Variants in PRR27 observed in about 807,000 individuals in gnomAD.
The protein encoded by PRR27 is proline-rich protein 27.
A neutral mutation model predicts 16.8 loss-of-function variants in PRR27; 12 were observed. That is an observed-to-expected ratio of 0.71 (90% confidence interval 0.46 to 1.16). The LOEUF (loss-of-function observed/expected upper bound fraction) is 1.16. PRR27 is among the 50% of genes most tolerant of loss of function. The pLI is 0.00. For synonymous variants in PRR27, 100 were observed against 98.4 expected, an observed-to-expected ratio of 1.02 and a Z score of -0.10; for missense variants, 277 against 273.3, an observed-to-expected ratio of 1.01 and a Z score of -0.10.
At chr4:70,155,950 C>A in intron 1 of PRR27, 104 bp from the exon 2 acceptor site, 1 of 674,488 alleles carries the variant, frequency 1.5e-6, no homozygotes, top group South Asian at 1.9e-5. Flanking sequence ...AAAAATTAAC[C>A]ATAAGTATTA....
Position 70,163,756 on chromosome 4 carries a change from T to C in PRR27, c.*1095T>C, listed in dbSNP as rs1365110384. ...GATCTCTGAAAAGCCTCTGATACTT[T>C]CTCTTTTAAAATGGAATATATTCTA... On this transcript the variant is annotated 3_prime_UTR_variant, in exon 5 of 5. Coordinates refer to ENST00000344526, the MANE Select transcript of PRR27 (RefSeq NM_214711.4). 1 of 152,158 alleles carries C rather than the reference T, an allele frequency of 6.6e-6. No individual in the cohort carries two copies. The highest frequency in any genetic ancestry group is 1.5e-5 in the Non-Finnish European group (1 of 68,042). 9.4% of individuals were successfully genotyped at this position (152,158 alleles called of 1,614,324 possible).
chr4:70,158,336 T>G lies in PRR27; in HGVS notation c.84T>G (p.Asn28Lys). The change falls in exon 3 of 5, where the codon AAT becomes AAG. Residue 28 changes from asparagine (N) to lysine (K), a missense_variant. By Grantham distance (94) the Asn-to-Lys change is moderately conservative (BLOSUM62 0). Coordinates refer to ENST00000344526, the MANE Select transcript of PRR27 (RefSeq NM_214711.4). ...CTTTGTTTCTCCTTTAGGATGACAATGACGATGGTCACCCACTTCATCCAT... is the reference window on the plus strand; with the variant it reads ...CTTTGTTTCTCCTTTAGGATGACAAGGACGATGGTCACCCACTTCATCCAT... ...RRFPFIGEDD[N>K]DDGHPLHPSL... 3 of 1,599,392 alleles carry G rather than the reference T, an allele frequency of 1.9e-6. No individual in the cohort carries two copies. Among genetic ancestry groups the G allele is most frequent in the Non-Finnish European group, 2.6e-6 (3 of 1,167,888 alleles).
rs751286540 is a variant in PRR27, at chr4:70,156,038, T to C, written c.52-16T>C. ...AAATACATAACCGCATTAAAATATATTTTTCTTTATTTTAGAGACGGTTCC... is the reference window on the plus strand; with the variant it reads ...AAATACATAACCGCATTAAAATATACTTTTCTTTATTTTAGAGACGGTTCC... On this transcript the variant is annotated splice_polypyrimidine_tract_variant and intron_variant, in intron 1 of 4. Coordinates refer to ENST00000344526, the MANE Select transcript of PRR27 (RefSeq NM_214711.4). The C allele has an allele frequency of 2.8e-6, 4 of 1,405,418 alleles. No individual in the cohort carries two copies. The highest frequency in any genetic ancestry group is 3.8e-6 in the Non-Finnish European group (4 of 1,042,486). The allele number at this position is 1,405,418 out of a possible 1,614,324, so 87.1% of individuals were successfully genotyped here.
chr4:70,157,467 C>T (rs939398065), intron 2 of PRR27, among the ~76,000 whole-genome samples: 7 of 150,282 alleles, frequency 4.7e-5, no homozygotes, highest in Non-Finnish European at 1.0e-4. Context: ...ATATTATATA[C>T]AATAACATTA....
intron 2 of PRR27, 69 bp downstream of exon 2, chr4:70,156,146 ACT>A (rs1043712230): frequency 2.2e-5 from 18 of 821,254 alleles, no homozygotes; most frequent in African/African-American, 1.6e-4. Flanking sequence ...ACATTTTAAA[ACT>A]CTCTGATTTC....
In PRR27 at chr4:70,158,874, C is replaced by T; in HGVS notation, c.622C>T (p.Pro208Ser). Residue 208 changes from proline to serine, a missense_variant, in exon 3 of 5, where the codon CCT (proline) becomes TCT (serine). Physicochemically the swap from Pro to Ser is moderately conservative, Grantham distance 74. Transcript: ENST00000344526. ...PATAKPAAPEPHPSPSLEQAN... is the reference protein window; with the variant it reads ...PATAKPAAPESHPSPSLEQAN... ...TACAGCCAAGCCTGCTGCCCCAGAACCTCACCCTTCTCCCTCTCTTGAACA... is the reference window on the plus strand; with the variant it reads ...TACAGCCAAGCCTGCTGCCCCAGAATCTCACCCTTCTCCCTCTCTTGAACA... 2 of 1,613,948 alleles carry T rather than the reference C, an allele frequency of 1.2e-6. No individual in the cohort carries two copies. The highest frequency in any genetic ancestry group is 8.5e-7 in the Non-Finnish European group (1 of 1,179,962).
At position 70,154,264 on chromosome 4, in the gene PRR27, G is replaced by T; in HGVS notation, c.-112G>T. 2 of 875,576 alleles carry T rather than the reference G, an allele frequency of 2.3e-6. No individual in the cohort carries two copies. The highest frequency in any genetic ancestry group is 1.8e-6 in the Non-Finnish European group (1 of 555,900). The allele number at this position is 875,576 out of a possible 1,614,324, so 54.2% of individuals were successfully genotyped here. A position where few individuals can be genotyped will look rare whatever the true frequency, so the allele number is the denominator to read the frequency against. Reference sequence around the variant, plus strand: ...GGGTCTTCCTAGACAGACTAAAAAAGCCATGTATTCTTTCGTTTCTCTCTA... The same window carrying T: ...GGGTCTTCCTAGACAGACTAAAAAATCCATGTATTCTTTCGTTTCTCTCTA... On this transcript the variant is annotated 5_prime_UTR_variant, in exon 1 of 5. Coordinates refer to ENST00000344526, the MANE Select transcript of PRR27 (RefSeq NM_214711.4).
Position 70,165,290 on chromosome 4 carries a change from T to C in PRR27, c.*2629T>C. 6.6e-6 allele frequency: 1 copy of C among 152,114 alleles called. No individual in the cohort carries two copies. Among genetic ancestry groups the C allele is most frequent in the East Asian group, 1.9e-4 (1 of 5,194 alleles). The allele number at this position is 152,114 out of a possible 1,614,324, so 9.4% of individuals were successfully genotyped here. On this transcript the variant is annotated 3_prime_UTR_variant, in exon 5 of 5. Coordinates refer to ENST00000344526, the MANE Select transcript of PRR27 (RefSeq NM_214711.4). ...TGTTAATTATACATTTTAAAGACTA[T>C]TTTTGGTAAGGTCTATGACACATTC...
rs1001167223 is a variant in PRR27, at chr4:70,164,120, C to T, written c.*1459C>T. The stretch of plus-strand genomic sequence containing the variant: ...AGAAGTTACTATTACTGCTTTTTAC[C>T]TTTTTATTTATTTGTGTATTGTCTT... On this transcript the variant is annotated 3_prime_UTR_variant, in exon 5 of 5. Transcript: ENST00000344526. 3 of 151,890 alleles carry T rather than the reference C, an allele frequency of 2.0e-5. No homozygotes were observed. The highest frequency in any genetic ancestry group is 7.3e-5 in the African/African-American group (3 of 41,354). The allele number at this position is 151,890 out of a possible 1,614,324, so 9.4% of individuals were successfully genotyped here. A position where few individuals can be genotyped will look rare whatever the true frequency, so the allele number is the denominator to read the frequency against.
Position 70,154,702 on chromosome 4 carries a change from C to T in PRR27, c.51+276C>T. Reference sequence around the variant, plus strand: ...AGGAAAAATTATAGAAAAGCAGGATCCCACGTAGATTATCTTAACAGAGTT... The same window carrying T: ...AGGAAAAATTATAGAAAAGCAGGATTCCACGTAGATTATCTTAACAGAGTT... On this transcript the variant is annotated intron_variant, in intron 1 of 4. Coordinates refer to ENST00000344526, the MANE Select transcript of PRR27 (RefSeq NM_214711.4). The T allele has an allele frequency of 2.3e-6, 3 of 1,321,828 alleles. No individual in the cohort carries two copies. The African/African-American group carries it at 4.4e-5, about 19-fold the overall frequency. The allele number at this position is 1,321,828 out of a possible 1,614,324, so 81.9% of individuals were successfully genotyped here.
chr4:70,161,187 T>G (rs1246966370), intron 3 of PRR27, among the ~76,000 whole-genome samples: 2 of 103,246 alleles, frequency 1.9e-5, no homozygotes, highest in East Asian at 2.6e-4. Context: ...TATACACACA[T>G]ACATATATAT....
intron 4 of PRR27, among the ~76,000 whole-genome samples, chr4:70,162,146 T>G: frequency 6.6e-6 from 1 of 152,176 alleles, no homozygotes; most frequent in East Asian, 1.9e-4. Flanking sequence ...AGTCATCTGA[T>G]CAGGGGATAA....
At chr4:70,157,133 G>A (rs1297663829) in intron 2 of PRR27, among the ~76,000 whole-genome samples, 1 of 152,008 alleles carries the variant, frequency 6.6e-6, no homozygotes, top group Non-Finnish European at 1.5e-5. Context: ...GGGGGCTCTG[G>A]CAATATGACT....
intron 1 of PRR27, among the ~76,000 whole-genome samples, chr4:70,155,069 G>C (rs1487634474): frequency 6.6e-6 from 1 of 152,082 alleles, no homozygotes; most frequent in Non-Finnish European, 1.5e-5. Flanking sequence ...GCTTAGCAGA[G>C]TACCTCAGGT....
chr4:70,161,884 A>T (rs1728656917), intron 4 of PRR27, among the ~76,000 whole-genome samples: 1 of 152,198 alleles, frequency 6.6e-6, no homozygotes, highest in Non-Finnish European at 1.5e-5. Context: ...TGACTTGAAG[A>T]TTTTAAATTA....
intron 3 of PRR27, among the ~76,000 whole-genome samples, chr4:70,160,428 T>TC (rs1728615286): frequency 1.0e-5 from 1 of 95,498 alleles, no homozygotes; most frequent in Non-Finnish European, 2.3e-5. Context: ...TCTCTCTCTC[T>TC]CTCTCTCTCT....
In PRR27 at chr4:70,163,392, C is replaced by A. The variant is rs1728689844; in HGVS notation, c.*731C>A. 6.7e-6 allele frequency: 1 copy of A among 149,488 alleles called. No individual in the cohort carries two copies. Among genetic ancestry groups the A allele is most frequent in the Non-Finnish European group, 1.5e-5 (1 of 67,880 alleles). 9.3% of individuals were successfully genotyped at this position (149,488 alleles called of 1,614,324 possible). A position where few individuals can be genotyped will look rare whatever the true frequency, so the allele number is the denominator to read the frequency against. On this transcript the variant is annotated 3_prime_UTR_variant, in exon 5 of 5. Transcript: ENST00000344526. ...GCAATGGTGCCAACTCAGCTCACTG[C>A]AACTTCCACCTCCCGGGTTCAAGTG...
intron 4 of PRR27, among the ~76,000 whole-genome samples, chr4:70,162,229 T>C (rs890413845): frequency 3.9e-5 from 6 of 152,176 alleles, no homozygotes; most frequent in African/African-American, 1.4e-4. Context: ...AATTTTAATG[T>C]TTACCAGACA....
chr4:70,161,179 T>TATATATATATATATATATATATACAC (rs527588905), intron 3 of PRR27, among the ~76,000 whole-genome samples: 1 of 107,700 alleles, frequency 9.3e-6, no homozygotes, highest in African/African-American at 3.5e-5. Context: ...TATATATATA[T>TATATATATATATATATATATATACAC]ACACACATAC....
Sources: allele counts gnomAD v4.1 joint callset (sites outside exome capture counted in the v4.1 genomes callset), GRCh38; gene constraint gnomAD v4.1.1; transcripts MANE v1.5; gene names NCBI Gene and HGNC (gene_info 2026-07-23, HGNC 2026-07-21).